TFRC: variants seen among roughly 807,000 people sequenced by gnomAD.
TFRC encodes transferrin receptor protein 1.
In TFRC, 35 loss-of-function variants were observed where a neutral mutation model predicts 85.8. That is an observed-to-expected ratio of 0.41 (90% confidence interval 0.31 to 0.54). The LOEUF (loss-of-function observed/expected upper bound fraction) is 0.54. TFRC is among the 20% of genes least tolerant of loss of function. TFRC has a pLI of 0.31. For missense variants in TFRC, 828 were observed against 921.5 expected (o/e 0.90, Z 1.31); for synonymous variants, 362 against 328.6 (o/e 1.10, Z -1.10).
chr3:196,059,832 T>C (rs536480208), intron 14 of TFRC, among the ~76,000 whole-genome samples: 1 of 145,768 alleles, frequency 6.9e-6, no homozygotes, highest in South Asian at 2.2e-4. Context: ...ATGGTAATTG[T>C]TTATTCAATG....
intron 16 of TFRC, 68 bp from the exon 17 acceptor site, chr3:196,055,369 C>T (rs529588957): frequency 7.2e-6 from 10 of 1,383,268 alleles, no homozygotes; most frequent in African/African-American, 4.3e-5. Flanking sequence ...ATTCTGGCTT[C>T]GCCATCGAGG....
chr3:196,061,626 A>G (rs1717289172), intron 13 of TFRC, among the ~76,000 whole-genome samples: 1 of 152,076 alleles, frequency 6.6e-6, no homozygotes, highest in African/African-American at 2.4e-5. Context: ...AGTAGCTGGG[A>G]TTACAGGTAC....
chr3:196,064,749 A>G (rs1022802327), intron 10 of TFRC, among the ~76,000 whole-genome samples: 1 of 152,214 alleles, frequency 6.6e-6, no homozygotes, highest in African/African-American at 2.4e-5. Context: ...TACAGCCCGC[A>G]TGCCCATTCA....
At position 196,052,189 on chromosome 3, in the gene TFRC, G is replaced by T; in HGVS notation, c.2041-5C>A. 6.2e-7 allele frequency: 1 copy of T among 1,611,164 alleles called. No homozygotes were observed. The highest frequency in any genetic ancestry group is 1.1e-5 in the South Asian group (1 of 90,872). Reference sequence around the variant, plus strand: ...AGAGAGGAAGTGATACTCCACCTACGAAAACAACACACAAGGCAATTTACA... The same window carrying T: ...AGAGAGGAAGTGATACTCCACCTACTAAAACAACACACAAGGCAATTTACA... On this transcript the variant is annotated splice_polypyrimidine_tract_variant and splice_region_variant and intron_variant, in intron 18 of 18. Coordinates refer to ENST00000360110, the MANE Select transcript of TFRC (RefSeq NM_001128148.3).
rs17091588 is a variant in TFRC at position 196,077,337 on chromosome 3, A to G, written c.-23-215T>C. On this transcript the variant is annotated intron_variant, in intron 1 of 18. Transcript: ENST00000360110. ...ATTCTTTTTTTTTCTTTTTGTAGAG[A>G]CAAGGTCACCCTATGTTGCCCAGGC... 9.1e-4 allele frequency among the ~76,000 whole-genome samples: 139 copies of G among 152,106 alleles called. No individual in the cohort carries two copies. The East Asian group carries it at 0.024, about 27-fold the overall frequency.
At chr3:196,062,810 C>T (rs1401068043) in intron 12 of TFRC, 44 bp downstream of exon 12, 1 of 1,599,072 alleles carries the variant, frequency 6.3e-7, no homozygotes, top group Admixed American at 1.7e-5. Context: ...ACAGCCTAAG[C>T]CCACAAGCTC....
At chr3:196,075,566 A>ATTTT (rs879865391) in intron 2 of TFRC, among the ~76,000 whole-genome samples, 1 of 144,056 alleles carries the variant, frequency 6.9e-6, no homozygotes, top group African/African-American at 2.5e-5. Flanking sequence ...CTTTTTGTAA[A>ATTTT]TTTTTTTTTT....
At chr3:196,062,670 TAA>T (rs1717382261) in intron 12 of TFRC, 25 bp from the exon 13 acceptor site, 3 of 1,592,146 alleles carry the variant, frequency 1.9e-6, no homozygotes, top group Non-Finnish European at 2.6e-6. Flanking sequence ...AAAACACTAA[TAA>T]GTATAAATCT....
In TFRC at chr3:196,055,068, A is replaced by T; in HGVS notation, c.1899+12T>A. 1 of 1,612,258 alleles carries T rather than the reference A, an allele frequency of 6.2e-7. No individual in the cohort carries two copies. Among genetic ancestry groups the T allele is most frequent in the Non-Finnish European group, 8.5e-7 (1 of 1,178,706 alleles). ...TCAGCAAAATAAAAACGTAATTGGA[A>T]TCAGTGCTCACCTTTATGTCTGCTC... On this transcript the variant is annotated intron_variant, in intron 17 of 18. Coordinates refer to ENST00000360110, the MANE Select transcript of TFRC (RefSeq NM_001128148.3).
chr3:196,081,317 A>G (rs940642421), intron 1 of TFRC, among the ~76,000 whole-genome samples: 1 of 152,208 alleles, frequency 6.6e-6, no homozygotes, highest in African/African-American at 2.4e-5. Context: ...ATCCACACAC[A>G]AGGCGAACAG....
intron 8 of TFRC, 116 bp downstream of exon 8, chr3:196,067,916 A>ACG: frequency 1.2e-6 from 1 of 849,794 alleles, no homozygotes; most frequent in South Asian, 1.8e-5. Flanking sequence ...CTTACTGCTA[A>ACG]CGCCCTCCCA....
At position 196,053,684 on chromosome 3, in the gene TFRC, C is replaced by T. The variant is rs181702642; in HGVS notation, c.1900-126G>A. The T allele has an allele frequency of 1.9e-3, 2,262 of 1,163,162 alleles. 9 individuals carry two copies. The highest frequency in any genetic ancestry group is 2.3e-3 in the Non-Finnish European group (1,851 of 812,130). The allele number at this position is 1,163,162 out of a possible 1,614,324, so 72.1% of individuals were successfully genotyped here. ...GAACTCGCAGATAAGCTCAAGACTC[C>T]GAAAGCACCTTGCACAGGGGTTCCA... On this transcript the variant is annotated intron_variant, in intron 17 of 18. Transcript: ENST00000360110.
intron 13 of TFRC, among the ~76,000 whole-genome samples, chr3:196,061,770 T>C (rs780876052): frequency 6.6e-6 from 1 of 152,204 alleles, no homozygotes; most frequent in Non-Finnish European, 1.5e-5. Flanking sequence ...ATTACAGGCG[T>C]GCACCACTGC....
chr3:196,066,589 A>G (rs1717761530), intron 9 of TFRC, among the ~76,000 whole-genome samples: 1 of 152,234 alleles, frequency 6.6e-6, no homozygotes, highest in Non-Finnish European at 1.5e-5. Flanking sequence ...ATAAGATGGG[A>G]CGCTGGCTTC....
At chr3:196,063,072 A>G (rs1046487820) in intron 11 of TFRC, 133 bp from the exon 12 acceptor site, 6 of 621,096 alleles carry the variant, frequency 9.7e-6, no homozygotes, top group South Asian at 2.3e-5. Context: ...TTTCTGAGCC[A>G]AAAAAGAAAA....
At position 196,052,131 on chromosome 3, in the gene TFRC, T is replaced by C. The variant is rs1716365892; in HGVS notation, c.2094A>G (p.Arg698=). 3 of 1,613,942 alleles carry C rather than the reference T, an allele frequency of 1.9e-6. No homozygotes were observed. Among genetic ancestry groups the C allele is most frequent in the Non-Finnish European group, 2.5e-6 (3 of 1,179,996 alleles). ...GAGAGCCGGAGCCCCAGAAGACATG[T>C]CGGAAAGGAGACTCTTTTGGAGATA... ...PYVSPKESPF[R]HVFWGSGSHT... Residue 698 remains arginine, a synonymous_variant, in exon 19 of 19, where the codon CGA becomes CGG. Transcript: ENST00000360110.
intron 1 of TFRC, among the ~76,000 whole-genome samples, chr3:196,077,846 T>TG (rs575934042): frequency 8.0e-4 from 122 of 152,044 alleles, no homozygotes; most frequent in African/African-American, 2.8e-3. Context: ...CCATCTCCAA[T>TG]GGGAAGGGGA....
Position 196,075,759 on chromosome 3 carries a change from G to C in TFRC, c.37-399C>G, listed in dbSNP as rs114525746. On this transcript the variant is annotated intron_variant, in intron 2 of 18. Transcript: ENST00000360110. ...GTAACCCAGACCATGATGTTGGTGG[G>C]AGCAAGGGAGCAAGAATAAAACAAA... Among the ~76,000 whole-genome samples, 755 of 152,042 alleles carry C rather than the reference G, an allele frequency of 5.0e-3. 9 individuals are homozygous for C. Among genetic ancestry groups the C allele is most frequent in the African/African-American group, 0.018 (731 of 41,476 alleles).
intron 7 of TFRC, among the ~76,000 whole-genome samples, chr3:196,068,676 C>T (rs1717938535): frequency 6.8e-6 from 1 of 147,672 alleles, no homozygotes; most frequent in African/African-American, 2.5e-5. Flanking sequence ...ACCTGTAATC[C>T]CAGCAATCTG....
Sources: allele counts gnomAD v4.1 joint callset (sites outside exome capture counted in the v4.1 genomes callset), GRCh38; gene constraint gnomAD v4.1.1; transcripts MANE v1.5; gene names NCBI Gene and HGNC (gene_info 2026-07-23, HGNC 2026-07-21).